Variants in ADGRV1 observed in about 807,000 individuals in gnomAD.
The protein encoded by ADGRV1 is G-protein coupled receptor 98.
Under a neutral mutation model 596.2 loss-of-function variants are expected in ADGRV1, and 359 were observed. The ratio of observed to expected loss-of-function variants is 0.60; its 90% confidence interval spans 0.55 to 0.66. The LOEUF is 0.66. Ranked by LOEUF, ADGRV1 falls within the 30% of genes least tolerant of loss-of-function variation. The pLI is 0.00. For missense variants in ADGRV1, 7,274 were observed against 7,575.6 expected (o/e 0.96, Z 1.48); for synonymous variants, 2,681 against 2,679.2 (o/e 1.00, Z -0.02).
chr5:91,033,792 A>T (rs1219629435), intron 85 of ADGRV1, among the ~76,000 whole-genome samples: 3 of 152,098 alleles, frequency 2.0e-5, no homozygotes, highest in Non-Finnish European at 4.4e-5. Flanking sequence ...TATTATTCTT[A>T]TTTATTTTTT....
chr5:91,018,308 A>G (rs1477471078), intron 85 of ADGRV1, among the ~76,000 whole-genome samples: 4 of 151,928 alleles, frequency 2.6e-5, no homozygotes, highest in African/African-American at 9.7e-5. Context: ...CTCCAGATGA[A>G]TTTCTCAAAC....
intron 87 of ADGRV1, among the ~76,000 whole-genome samples, chr5:91,108,504 A>C (rs1459226461): frequency 6.6e-6 from 1 of 152,150 alleles, no homozygotes; most frequent in Admixed American, 6.5e-5. Context: ...TAGTATTCTG[A>C]TCATTTTAAG....
intron 32 of ADGRV1, among the ~76,000 whole-genome samples, 170 bp downstream of exon 32, chr5:90,692,956 G>A (rs1375624173): frequency 6.6e-6 from 1 of 152,046 alleles, no homozygotes; most frequent in Non-Finnish European, 1.5e-5. Flanking sequence ...AGTATAAAGG[G>A]CCTTTCATTT....
intron 85 of ADGRV1, among the ~76,000 whole-genome samples, chr5:90,990,015 T>G (rs1021849683): frequency 6.6e-6 from 1 of 152,016 alleles, no homozygotes; most frequent in African/African-American, 2.4e-5. Flanking sequence ...ACGGGGTTTC[T>G]CCACATTGGT....
rs1318277181 is a variant in ADGRV1, at chr5:90,729,754, C to T, written c.10539C>T (p.Ala3513=). The change falls in exon 50 of 90, where the codon GCC becomes GCT. Residue 3513 remains alanine (A), a synonymous_variant. Coordinates refer to ENST00000405460, the MANE Select transcript of ADGRV1 (RefSeq NM_032119.4). ...AVNRIHSFTP[A]SGIAHILLIG... ...ACAGAATCCACTCCTTCACACCAGC[C>T]TCAGGAATAGGTAAGGACTTTTCAA... 1.9e-6 allele frequency: 3 copies of T among 1,613,268 alleles called. No homozygotes were observed. Among genetic ancestry groups the T allele is most frequent in the Non-Finnish European group, 8.5e-7 (1 of 1,179,516 alleles).
At chr5:90,721,509 T>TA (rs1333714119) in intron 45 of ADGRV1, among the ~76,000 whole-genome samples, 1 of 50,284 alleles carries the variant, frequency 2.0e-5, no homozygotes, top group Non-Finnish European at 3.1e-5. Flanking sequence ...GTCTAAAAAA[T>TA]AAAATAAAAT....
At chr5:90,932,449 T>C (rs1363446111) in intron 83 of ADGRV1, among the ~76,000 whole-genome samples, 2 of 152,162 alleles carry the variant, frequency 1.3e-5, no homozygotes, top group Non-Finnish European at 2.9e-5. Context: ...GCCTTTTTTG[T>C]TGTTGTTTAA....
chr5:90,901,906 G>GT (rs1052450938), intron 83 of ADGRV1, among the ~76,000 whole-genome samples: 1 of 152,070 alleles, frequency 6.6e-6, no homozygotes, highest in Non-Finnish European at 1.5e-5. Context: ...TGGTTCCTGG[G>GT]TAGAGGGTAG....
At chr5:90,679,031 C>G (rs1744602396) in intron 25 of ADGRV1, among the ~76,000 whole-genome samples, 1 of 152,068 alleles carries the variant, frequency 6.6e-6, no homozygotes, top group African/African-American at 2.4e-5. Flanking sequence ...AGGACTCTTT[C>G]CACAATGCCA....
chr5:90,701,544 CAT>C, intron 34 of ADGRV1, among the ~76,000 whole-genome samples: 1 of 151,870 alleles, frequency 6.6e-6, no homozygotes, highest in African/African-American at 2.4e-5. Flanking sequence ...AGAAATATTT[CAT>C]TTATCTTTTA....
At chr5:90,847,581 G>T (rs936210327) in intron 78 of ADGRV1, among the ~76,000 whole-genome samples, 1 of 152,180 alleles carries the variant, frequency 6.6e-6, no homozygotes, top group Non-Finnish European at 1.5e-5. Context: ...GTGCTTGTCA[G>T]GGAGGCTTGG....
At chr5:91,100,594 T>C (rs1239523905) in intron 86 of ADGRV1, among the ~76,000 whole-genome samples, 1 of 152,138 alleles carries the variant, frequency 6.6e-6, no homozygotes, top group East Asian at 1.9e-4. Context: ...CATTAGAAGA[T>C]AAATAAGTGG....
intron 1 of ADGRV1, among the ~76,000 whole-genome samples, chr5:90,608,051 C>T (rs1044644673): frequency 1.5e-4 from 23 of 151,642 alleles, no homozygotes; most frequent in African/African-American, 1.9e-4. Flanking sequence ...AAATTGAAAA[C>T]GATAGCATAA....
At chr5:90,704,682 A>C (rs1434270220) in intron 36 of ADGRV1, among the ~76,000 whole-genome samples, 194 bp downstream of exon 36, 2 of 152,256 alleles carry the variant, frequency 1.3e-5, no homozygotes, top group Non-Finnish European at 2.9e-5. Flanking sequence ...CTAGGAAAGA[A>C]GCCCTGAAAC....
intron 86 of ADGRV1, among the ~76,000 whole-genome samples, chr5:91,077,911 T>C (rs913984212): frequency 3.3e-5 from 5 of 152,200 alleles, no homozygotes; most frequent in African/African-American, 9.7e-5. Flanking sequence ...CCAGTTCTTA[T>C]ATGAGGAATG....
intron 85 of ADGRV1, among the ~76,000 whole-genome samples, chr5:90,998,014 T>C (rs1581746719): frequency 6.6e-6 from 1 of 152,230 alleles, no homozygotes; most frequent in African/African-American, 2.4e-5. Flanking sequence ...AGTTAAACAT[T>C]GTTGACCCTG....
intron 50 of ADGRV1, among the ~76,000 whole-genome samples, chr5:90,740,620 G>T (rs886726174): frequency 1.3e-5 from 2 of 152,094 alleles, no homozygotes; most frequent in Admixed American, 6.5e-5. Context: ...AGGCAGAGCC[G>T]CCACCAAGAT....
intron 77 of ADGRV1, among the ~76,000 whole-genome samples, chr5:90,830,912 C>G (rs1284647006): frequency 6.6e-6 from 1 of 152,088 alleles, no homozygotes; most frequent in Admixed American, 6.6e-5. Context: ...CTGAATAGAC[C>G]AAAAAGCCTG....
intron 54 of ADGRV1, among the ~76,000 whole-genome samples, chr5:90,754,113 C>T (rs1755566941): frequency 6.6e-6 from 1 of 151,914 alleles, no homozygotes; most frequent in Admixed American, 6.6e-5. Flanking sequence ...TTTACTTTAT[C>T]TTTTTCATCA....
Sources: allele counts gnomAD v4.1 joint callset (sites outside exome capture counted in the v4.1 genomes callset), GRCh38; gene constraint gnomAD v4.1.1; transcripts MANE v1.5; gene names NCBI Gene and HGNC (gene_info 2026-07-23, HGNC 2026-07-21).